CDH26: variants seen among roughly 807,000 people sequenced by gnomAD.
CDH26 encodes the protein cadherin 26.
CDH26 carries 83 observed loss-of-function variants against 90.3 expected under a neutral mutation model. The observed-to-expected ratio is 0.92, with a 90% CI of 0.77 to 1.10. The LOEUF (loss-of-function observed/expected upper bound fraction) is 1.10, where lower values mean the gene tolerates loss of function less well. CDH26 is among the 50% of genes least tolerant of loss of function. The pLI, the probability that CDH26 is intolerant of heterozygous loss-of-function variation, is 0.00. For missense variants in CDH26, 1,013 were observed against 1,037.6 expected (o/e 0.98, Z 0.33); for synonymous variants, 397 against 396.3 (o/e 1.00, Z -0.02).
chr20:59,959,946 G>A (rs746429302), intron 1 of CDH26, among the ~76,000 whole-genome samples: 28 of 152,274 alleles, frequency 1.8e-4, no homozygotes, highest in Middle Eastern at 3.4e-3. Context: ...GATCTGCTTC[G>A]TTGGCTTTCT....
intron 1 of CDH26, among the ~76,000 whole-genome samples, chr20:59,968,017 TTCTCTCTG>T: frequency 9.1e-6 from 1 of 110,108 alleles, no homozygotes; most frequent in African/African-American, 4.2e-5. Flanking sequence ...CTTTCTTCCT[TTCTCTCTG>T]TCTCTCTCTC....
Position 59,968,999 on chromosome 20 carries a change from A to G in CDH26, c.102A>G (p.Thr34=). The G allele has an allele frequency of 6.3e-7, 1 of 1,593,184 alleles. No individual in the cohort carries two copies. The highest frequency in any genetic ancestry group is 1.1e-5 in the South Asian group (1 of 90,138). The change falls in exon 2 of 18, where the codon ACA becomes ACG. Residue 34 remains threonine (T), a synonymous_variant. Transcript: ENST00000348616. ...VSIIDSVQQE[T]DDLTKQTKEK... is the part of the protein sequence containing the mutation. ...TCATTGACAGTGTTCAACAGGAAAC[A>G]GATGATCTTACTAAGCAAACAAAGG...
intron 10 of CDH26, among the ~76,000 whole-genome samples, chr20:59,993,170 G>A (rs1212318143): frequency 6.6e-6 from 1 of 152,132 alleles, no homozygotes; most frequent in Non-Finnish European, 1.5e-5. Flanking sequence ...TTCCTAATCA[G>A]CATTAAGGGA....
Position 60,012,751 on chromosome 20 carries a change from G to T in CDH26, c.*21G>T. On this transcript the variant is annotated 3_prime_UTR_variant, in exon 18 of 18. Transcript: ENST00000348616. ...CCTAAAAAAAAAAGTCTATTTTGGA[G>T]AATTGAAATAATTCATGGAAGGGAA... 1 of 1,604,846 alleles carries T rather than the reference G, an allele frequency of 6.2e-7. No individual in the cohort carries two copies. The highest frequency in any genetic ancestry group is 1.1e-5 in the South Asian group (1 of 90,446).
In CDH26 at chr20:60,010,799, G is replaced by A. The variant is rs142176540; in HGVS notation, c.2296-1728G>A. 3.0e-3 allele frequency among the ~76,000 whole-genome samples: 450 copies of A among 151,856 alleles called. 4 individuals are homozygous for A. The highest frequency in any genetic ancestry group is 1.0e-2 in the African/African-American group (410 of 41,128). On this transcript the variant is annotated intron_variant, in intron 17 of 17. Coordinates refer to ENST00000348616, the MANE Select transcript of CDH26 (RefSeq NM_177980.4). Reference sequence around the variant, plus strand: ...ACCCCAGAGCAGGGTGGCTTAATGCGCAGAGCAGGCACCTCTGGCTCACGT... The same window carrying A: ...ACCCCAGAGCAGGGTGGCTTAATGCACAGAGCAGGCACCTCTGGCTCACGT...
rs747459833 is a variant in CDH26, at chr20:59,958,695, G to A, written c.-32G>A. On this transcript the variant is annotated 5_prime_UTR_variant, in exon 1 of 18. Coordinates refer to ENST00000348616, the MANE Select transcript of CDH26 (RefSeq NM_177980.4). The stretch of plus-strand genomic sequence containing the variant: ...CAGCTTGGAGGACTGGTCATCAGCT[G>A]CACGTTCTGGGTCTGTCTTGGGTAT... The A allele has an allele frequency of 1.2e-6, 2 of 1,610,108 alleles. No homozygotes were observed. The highest frequency in any genetic ancestry group is 1.7e-6 in the Non-Finnish European group (2 of 1,176,458).
intron 14 of CDH26, among the ~76,000 whole-genome samples, chr20:60,000,458 G>A (rs2061661445): frequency 6.6e-6 from 1 of 152,188 alleles, no homozygotes; most frequent in Non-Finnish European, 1.5e-5. Flanking sequence ...CTGTGCTCCT[G>A]GGGGAAGGGC....
chr20:59,980,997 T>C (rs191823499), intron 4 of CDH26, among the ~76,000 whole-genome samples: 33 of 152,298 alleles, frequency 2.2e-4, no homozygotes, highest in African/African-American at 7.9e-4. Context: ...GAATCATGTG[T>C]TGAAAAGGCT....
At chr20:59,961,094 C>T (rs1380672664) in intron 1 of CDH26, among the ~76,000 whole-genome samples, 3 of 152,186 alleles carry the variant, frequency 2.0e-5, no homozygotes, top group Non-Finnish European at 4.4e-5. Flanking sequence ...TTAATTTGAT[C>T]TCCAATACTT....
At chr20:59,962,120 G>T (rs1013710196) in intron 1 of CDH26, among the ~76,000 whole-genome samples, 20 of 152,188 alleles carry the variant, frequency 1.3e-4, no homozygotes, top group Non-Finnish European at 2.8e-4. Flanking sequence ...GGTCAGCAGG[G>T]GACAGAGCAG....
At chr20:59,988,837 C>A (rs1300715673) in intron 8 of CDH26, 67 bp from the exon 9 acceptor site, 3 of 1,560,416 alleles carry the variant, frequency 1.9e-6, no homozygotes, top group African/African-American at 2.7e-5. Context: ...AATGATGACT[C>A]GGCGCTGGGC....
downstream of CDH26, among the ~76,000 whole-genome samples, chr20:60,017,850 A>G (rs2061918249): frequency 6.6e-6 from 1 of 151,952 alleles, no homozygotes; most frequent in Admixed American, 6.6e-5. Context: ...CTCATTCTTA[A>G]TTGATTTTCT....
intron 16 of CDH26, among the ~76,000 whole-genome samples, chr20:60,005,395 T>C (rs1186819864): frequency 6.6e-6 from 1 of 152,164 alleles, no homozygotes; most frequent in African/African-American, 2.4e-5. Flanking sequence ...TGTATATGTA[T>C]AGAAGCATGT....
In CDH26 at chr20:59,996,009, G is replaced by T. The variant is rs194998; in HGVS notation, c.1843G>T (p.Val615Leu). 6.5e-3 allele frequency: 10,567 copies of T among 1,614,052 alleles called. 570 individuals are homozygous for T. In the African/African-American group the frequency reaches 0.12, roughly 18 times the overall value. Residue 615 changes from valine (V) to leucine (L), a missense_variant, in exon 12 of 18, where the codon GTG (valine) becomes TTG (leucine). Physicochemically the swap from Val to Leu is conservative, Grantham distance 32. Transcript: ENST00000348616. Reference protein sequence around the residue: ...ELADAEVGLHVGALFPVCAAF... With the variant: ...ELADAEVGLHLGALFPVCAAF... ...TGCAGATGCAGAAGTGGGGCTTCATGTGGGGGCCCTGTTCCCTGTCTGTGC... is the reference window on the plus strand; with the variant it reads ...TGCAGATGCAGAAGTGGGGCTTCATTTGGGGGCCCTGTTCCCTGTCTGTGC...
At chr20:60,022,126 T>G (rs1250109643) in intron 7 of CDH26, among the ~76,000 whole-genome samples, 1 of 151,950 alleles carries the variant, frequency 6.6e-6, no homozygotes, top group Admixed American at 6.6e-5. Flanking sequence ...CCCAAGTTCA[T>G]TCTCAAGTCT....
intron 14 of CDH26, among the ~76,000 whole-genome samples, chr20:60,000,591 C>T (rs1322189572): frequency 1.3e-5 from 2 of 152,238 alleles, no homozygotes; most frequent in African/African-American, 4.8e-5. Context: ...ACACTATGCA[C>T]TTTGCATGCC....
chr20:60,018,702 C>CTTTTTTTT (rs55994712), downstream of CDH26, among the ~76,000 whole-genome samples: 135 of 17,798 alleles, frequency 7.6e-3, 21 homozygotes, highest in Non-Finnish European at 0.01. Flanking sequence ...CTCTTACTGC[C>CTTTTTTTT]TTTTTTTTTT....
intron 17 of CDH26, among the ~76,000 whole-genome samples, chr20:60,008,373 T>C (rs1251635377): frequency 2.0e-5 from 3 of 152,154 alleles, no homozygotes; most frequent in Admixed American, 1.3e-4. Context: ...AGTTGGGTAA[T>C]GTGTCCAAGG....
At chr20:59,993,473 T>C (rs2061552342) in intron 10 of CDH26, among the ~76,000 whole-genome samples, 1 of 152,196 alleles carries the variant, frequency 6.6e-6, no homozygotes, top group Non-Finnish European at 1.5e-5. Flanking sequence ...CCTTTGTGTA[T>C]CCATAGCTTA....
Sources: allele counts gnomAD v4.1 joint callset (sites outside exome capture counted in the v4.1 genomes callset), GRCh38; gene constraint gnomAD v4.1.1; transcripts MANE v1.5; gene names NCBI Gene and HGNC (gene_info 2026-07-23, HGNC 2026-07-21).